DOK7: variants seen among roughly 807,000 people sequenced by gnomAD.
DOK7 encodes protein Dok-7.
DOK7 carries 32 observed loss-of-function variants against 30.7 expected under a neutral mutation model. The ratio of observed to expected loss-of-function variants is 1.04; its 90% CI spans 0.79 to 1.40. DOK7 has a LOEUF of 1.40. DOK7 is among the 40% of genes most tolerant of loss of function. The pLI, the probability that DOK7 is intolerant of heterozygous loss-of-function variation, is 0.00. For synonymous variants in DOK7, 447 were observed against 324.1 expected (o/e 1.38, Z -4.07); for missense variants, 1,007 against 699.2 (o/e 1.44, Z -4.97).
intron 2 of DOK7, among the ~76,000 whole-genome samples, chr4:3,469,169 G>A (rs1403131964): frequency 6.6e-6 from 1 of 151,320 alleles, no homozygotes; most frequent in African/African-American, 2.4e-5. Context: ...GTGCATGTGT[G>A]TGTGTGCGTC....
chr4:3,490,816 CATT>C (rs1560227956), intron 6 of DOK7, among the ~76,000 whole-genome samples: 6 of 57,596 alleles, frequency 1.0e-4, no homozygotes, highest in Non-Finnish European at 1.9e-4. Context: ...CCCGCTCATT[CATT>C]CCTGCCTTCC....
downstream of DOK7, among the ~76,000 whole-genome samples, chr4:3,497,797 G>C (rs915742064): frequency 1.3e-5 from 2 of 152,108 alleles, no homozygotes; most frequent in Non-Finnish European, 2.9e-5. Flanking sequence ...CCACCAGTCT[G>C]CCTTGGCCCT....
At chr4:3,497,315 G>A (rs1261469268), downstream of DOK7, among the ~76,000 whole-genome samples, 4 of 152,102 alleles carry the variant, frequency 2.6e-5, no homozygotes, top group East Asian at 5.8e-4. Flanking sequence ...GACAGCGGTG[G>A]GGGCCTGTGG....
chr4:3,500,403 G>C (rs1319845055), exon 7 of DOK7: 1 of 1,535,836 alleles, frequency 6.5e-7, no homozygotes, highest in Admixed American at 2.0e-5. Context: ...GGGTGTCCGA[G>C]GTGGGTCCCC....
chr4:3,476,543 G>GT lies in DOK7; in HGVS notation c.532+2dup. On this transcript the variant is annotated splice_donor_variant, in intron 4 of 6. Coordinates refer to ENST00000340083, the MANE Select transcript of DOK7 (RefSeq NM_173660.5). LOFTEE classifies it high-confidence loss of function. ...GAAGGCGGGACCAGGTGTGGGTACT[G>GT]TAAGTACGGATGTGTGGGGTCACTG... The GT allele has an allele frequency of 6.2e-7, 1 of 1,613,846 alleles. No homozygotes were observed. Among genetic ancestry groups the GT allele is most frequent in the East Asian group, 2.2e-5 (1 of 44,880 alleles).
At position 3,493,191 on chromosome 4, in the gene DOK7, G is replaced by T; in HGVS notation, c.1205G>T (p.Arg402Leu). The part of the protein sequence containing the change: ...TVEYQVPTSL[R>L]AHYDTPRSLC... ...GAGTACCAGGTGCCCACCTCCCTGC[G>T]GGCCCACTATGACACACCACGCAGC... is the stretch of plus-strand genomic sequence containing the variant. Residue 402 changes from arginine (R) to leucine (L), a missense_variant, in exon 7 of 7, where the codon CGG becomes CTG. Coordinates refer to ENST00000340083, the MANE Select transcript of DOK7 (RefSeq NM_173660.5). 6.2e-7 allele frequency: 1 copy of T among 1,610,890 alleles called. No individual in the cohort carries two copies. Among genetic ancestry groups the T allele is most frequent in the Non-Finnish European group, 8.5e-7 (1 of 1,179,312 alleles).
At chr4:3,470,224 C>A (rs1168544886) in intron 2 of DOK7, among the ~76,000 whole-genome samples, 30 of 152,222 alleles carry the variant, frequency 2.0e-4, no homozygotes, top group Admixed American at 2.0e-3. Context: ...CCTGTGTCTG[C>A]GCCTCCTGTT....
At position 3,493,204 on chromosome 4, in the gene DOK7, C is replaced by T. The variant is rs1577183369; in HGVS notation, c.1218C>T (p.Asp406=). Residue 406 remains aspartate (D), a synonymous_variant, in exon 7 of 7, where the codon GAC becomes GAT. Coordinates refer to ENST00000340083, the MANE Select transcript of DOK7 (RefSeq NM_173660.5). ...CCACCTCCCTGCGGGCCCACTATGACACACCACGCAGCCTTTGCCTGGCTC... is the reference window on the plus strand; with the variant it reads ...CCACCTCCCTGCGGGCCCACTATGATACACCACGCAGCCTTTGCCTGGCTC... ...QVPTSLRAHY[D]TPRSLCLAPR... The T allele has an allele frequency of 4.3e-6, 7 of 1,611,692 alleles. No individual in the cohort carries two copies. Among genetic ancestry groups the T allele is most frequent in the African/African-American group, 4.0e-5 (3 of 75,024 alleles).
At position 3,485,680 on chromosome 4, in the gene DOK7, G is replaced by T. The variant is rs372437664; in HGVS notation, c.652+22G>T. 7.2e-6 allele frequency: 11 copies of T among 1,533,470 alleles called. No individual in the cohort carries two copies. The African/African-American group carries it at 1.3e-4, about 17-fold the overall frequency. The allele number at this position is 1,533,470 out of a possible 1,614,324, so 95.0% of individuals were successfully genotyped here. On this transcript the variant is annotated intron_variant, in intron 5 of 6. Coordinates refer to ENST00000340083, the MANE Select transcript of DOK7 (RefSeq NM_173660.5). ...CCAGGTGCGTGTGGGAGCCTGGCCGGCCGGGGAGGGTGCGCTCGGCAGGCT... is the reference window on the plus strand; with the variant it reads ...CCAGGTGCGTGTGGGAGCCTGGCCGTCCGGGGAGGGTGCGCTCGGCAGGCT...
At chr4:3,490,018 GCTCATTCATTCCTTCCTTCTTCCTCCTA>G (rs771357415) in intron 6 of DOK7, among the ~76,000 whole-genome samples, 370 of 95,270 alleles carry the variant, frequency 3.9e-3, no homozygotes, top group Admixed American at 6.8e-3. Flanking sequence ...TTCTCCTCCT[GCTCATTCATTCCTTCCTTCTTCCTCCTA>G]CTCATTAATT....
At chr4:3,487,425 C>T (rs943165178) in intron 5 of DOK7, among the ~76,000 whole-genome samples, 1 of 152,230 alleles carries the variant, frequency 6.6e-6, no homozygotes, top group African/African-American at 2.4e-5. Flanking sequence ...GGGCTTTCTG[C>T]CGTCCTCCTG....
chr4:3,469,433 G>A (rs1039032083), intron 2 of DOK7, among the ~76,000 whole-genome samples: 3 of 152,120 alleles, frequency 2.0e-5, no homozygotes, highest in African/African-American at 7.2e-5. Flanking sequence ...GGGTGGGCAG[G>A]GCTGATGGTG....
intron 6 of DOK7, 23 bp from the exon 7 acceptor site, chr4:3,492,736 C>T (rs746049063): frequency 2.5e-6 from 4 of 1,611,486 alleles, no homozygotes; most frequent in Non-Finnish European, 2.5e-6. Flanking sequence ...CCACAACTGC[C>T]TTGGCTTCCT....
downstream of DOK7, chr4:3,496,970 G>A: frequency 5.2e-6 from 2 of 382,756 alleles, no homozygotes. Flanking sequence ...GGGAGGGTGG[G>A]GGGCCCACTG....
At position 3,494,436 on chromosome 4, in the gene DOK7, C is replaced by T. The variant is rs1250483758; in HGVS notation, c.*935C>T. ...CCCTTCACTGTCAGCTGTTTCTAAA[C>T]CCAGACACTGTTTGTAATAGACTGG... On this transcript the variant is annotated 3_prime_UTR_variant, in exon 7 of 7. Coordinates refer to ENST00000340083, the MANE Select transcript of DOK7 (RefSeq NM_173660.5). The T allele has an allele frequency of 2.0e-6, 2 of 985,454 alleles. No homozygotes were observed. The highest frequency in any genetic ancestry group is 2.4e-6 in the Non-Finnish European group (2 of 830,092). The allele number at this position is 985,454 out of a possible 1,614,324, so 61.0% of individuals were successfully genotyped here.
At chr4:3,492,547 G>T (rs1393629676) in intron 6 of DOK7, among the ~76,000 whole-genome samples, 1 of 152,164 alleles carries the variant, frequency 6.6e-6, no homozygotes, top group African/African-American at 2.4e-5. Flanking sequence ...GTGGCAGAAG[G>T]ACAGGAACGG....
At chr4:3,489,610 CTGGTGCCTGCGGGCGAGGGTGGGCG>C (rs1378082548) in intron 5 of DOK7, 42 bp from the exon 6 acceptor site, 1 of 1,551,090 alleles carries the variant, frequency 6.4e-7, no homozygotes, top group Non-Finnish European at 8.7e-7. Flanking sequence ...CAGGCTGGGC[CTGGTGCCTGCGGGCGAGGGTGGGCG>C]GTGGTGGCCA....
At chr4:3,490,498 T>TC (rs565212591) in intron 6 of DOK7, among the ~76,000 whole-genome samples, 78 of 110,956 alleles carry the variant, frequency 7.0e-4, no homozygotes, top group African/African-American at 2.7e-3. Context: ...TCCTTCCTTT[T>TC]CCCCCTGCTC....
intron 5 of DOK7, among the ~76,000 whole-genome samples, chr4:3,487,951 C>T (rs1016870422): frequency 2.6e-5 from 4 of 152,228 alleles, no homozygotes; most frequent in East Asian, 1.9e-4. Flanking sequence ...GTCCTGCCCA[C>T]GTGGCTGAAT....
Sources: gnomAD v4.1 joint callset for allele counts (sites outside exome capture counted in the v4.1 genomes callset) on GRCh38, gnomAD v4.1.1 for gene constraint, MANE v1.5 for transcripts, NCBI Gene and HGNC (gene_info 2026-07-23, HGNC 2026-07-21) for gene names.